Variants in ACACA observed in about 807,000 individuals in gnomAD.
ACACA encodes acetyl-CoA carboxylase 1.
In ACACA, 103 loss-of-function variants were observed where a neutral mutation model predicts 296.1. The observed-to-expected ratio is 0.35, with a 90% CI of 0.30 to 0.41. The LOEUF is 0.41. ACACA is among the 10% of genes least tolerant of loss of function. The probability of loss-of-function intolerance (pLI) is 1.00; values close to 1 mark genes in which losing one functional copy is unlikely to be tolerated. For missense variants in ACACA, 1,554 were observed against 2,989.7 expected (o/e 0.52, Z 11.20); for synonymous variants, 953 against 1,038.6 (o/e 0.92, Z 1.58).
chr17:37,353,848 T>C (rs983090784), intron 1 of ACACA, among the ~76,000 whole-genome samples: 6 of 151,668 alleles, frequency 4.0e-5, no homozygotes, highest in Admixed American at 6.6e-5. Context: ...TGGCTCATAC[T>C]TGTAATCCCA....
At chr17:37,148,450 T>C (rs2075905362) in intron 45 of ACACA, among the ~76,000 whole-genome samples, 1 of 152,212 alleles carries the variant, frequency 6.6e-6, no homozygotes, top group Non-Finnish European at 1.5e-5. Context: ...CAGAGCAAGC[T>C]GATCGCATCA....
chr17:37,388,372 T>A (rs2147786224), intron 1 of ACACA, among the ~76,000 whole-genome samples: 1 of 152,250 alleles, frequency 6.6e-6, no homozygotes, highest in South Asian at 2.1e-4. Flanking sequence ...ACCCGAGATT[T>A]TTCTTCCTGC....
intron 1 of ACACA, among the ~76,000 whole-genome samples, chr17:37,350,229 G>T (rs998107463): frequency 6.6e-6 from 1 of 151,880 alleles, no homozygotes; most frequent in African/African-American, 2.4e-5. Context: ...TACACAGAAG[G>T]CTGATATGGG....
chr17:37,148,245 C>A (rs936859036), intron 45 of ACACA, among the ~76,000 whole-genome samples: 72 of 148,568 alleles, frequency 4.8e-4, no homozygotes, highest in African/African-American at 1.4e-3. Flanking sequence ...AAAAAAAAAA[C>A]AACAACCTTA....
intron 20 of ACACA, 129 bp downstream of exon 20, chr17:37,244,951 G>T: frequency 7.1e-7 from 1 of 1,414,800 alleles, no homozygotes; most frequent in Non-Finnish European, 1.0e-6. Flanking sequence ...ACAAATACAA[G>T]GCATAAGATT....
intron 50 of ACACA, among the ~76,000 whole-genome samples, chr17:37,114,728 C>G (rs2074157267): frequency 6.6e-6 from 1 of 152,054 alleles, no homozygotes; most frequent in Non-Finnish European, 1.5e-5. Flanking sequence ...GTTTATGAGT[C>G]CAGATGTTTA....
At position 37,097,139 on chromosome 17, in the gene ACACA, T is replaced by C; in HGVS notation, c.6748A>G (p.Thr2250Ala). 1 of 1,613,912 alleles carries C rather than the reference T, an allele frequency of 6.2e-7. No individual in the cohort carries two copies. The highest frequency in any genetic ancestry group is 8.5e-7 in the Non-Finnish European group (1 of 1,180,010). ...SDILDWKTSR[T>A]FFYWRLRRLL... ...CGCCTCAGCCGCCAGTAGAAGAAGG[T>C]ACGGGATGTTTTCCAATCCAGGATA... The change falls in exon 54 of 56, where the codon ACC (threonine) becomes GCC (alanine). Residue 2250 changes from threonine (T) to alanine (A), a missense_variant. Physicochemically the swap from Thr to Ala is moderately conservative, Grantham distance 58. Around this residue, in one of 16 missense-constraint regions of ACACA, gnomAD observed 553 missense variants for 1,043.6 expected, o/e 0.53. Transcript: ENST00000616317. This position sits in a 1 kb window ranked among gnomAD's most constrained non-coding sequence, Gnocchi z 4.8.
chr17:37,316,334 C>CACACACACA (rs1458823039), intron 3 of ACACA, among the ~76,000 whole-genome samples: 16 of 145,696 alleles, frequency 1.1e-4, no homozygotes, highest in South Asian at 2.1e-4. Context: ...CACACACACA[C>CACACACACA]CCCTAACTTT....
intron 11 of ACACA, among the ~76,000 whole-genome samples, chr17:37,260,292 A>ATTTT (rs1598341369): frequency 6.1e-5 from 1 of 16,484 alleles, no homozygotes; most frequent in Non-Finnish European, 1.0e-4. Flanking sequence ...ATATATATAT[A>ATTTT]TATATTTTTT....
In ACACA at chr17:37,278,131, A is replaced by G. The variant is rs2082354958; in HGVS notation, c.611-126T>C. 5.3e-6 allele frequency: 4 copies of G among 750,530 alleles called. No individual in the cohort carries two copies. The East Asian group carries it at 1.1e-4, about 20-fold the overall frequency. 46.5% of individuals were successfully genotyped at this position (750,530 alleles called of 1,614,324 possible). On this transcript the variant is annotated intron_variant, in intron 5 of 55. Transcript: ENST00000616317. ...CCACAGGACAAACAGCATTAGTAGG[A>G]TAATTTCCAGGACCATTTAGTTCGA...
intron 35 of ACACA, among the ~76,000 whole-genome samples, chr17:37,198,951 C>A (rs1410244730): frequency 6.6e-6 from 1 of 152,174 alleles, no homozygotes; most frequent in Admixed American, 6.5e-5. Context: ...TAAAACCAAA[C>A]CAAACAGGCT....
At chr17:37,203,654 A>G (rs2078373112) in intron 33 of ACACA, among the ~76,000 whole-genome samples, 1 of 152,034 alleles carries the variant, frequency 6.6e-6, no homozygotes, top group South Asian at 2.1e-4. Context: ...GAGGCAGGAG[A>G]ATCACTTGAA....
At chr17:37,216,156 A>C (rs530169945) in intron 29 of ACACA, among the ~76,000 whole-genome samples, 28,691 of 142,348 alleles carry the variant, frequency 0.2, 2,990 homozygotes, top group Admixed American at 0.31. Context: ...ACACACACAC[A>C]CAACATACAC....
At chr17:37,394,623 C>T (rs12939217) in intron 1 of ACACA, among the ~76,000 whole-genome samples, 36,358 of 150,400 alleles carry the variant, frequency 0.24, 4,510 homozygotes, top group Middle Eastern at 0.37. Flanking sequence ...ACGCCTGTAA[C>T]CCCAGCACTT....
At chr17:37,322,784 G>C (rs1366355980) in intron 3 of ACACA, among the ~76,000 whole-genome samples, 1 of 152,164 alleles carries the variant, frequency 6.6e-6, no homozygotes, top group African/African-American at 2.4e-5. Flanking sequence ...AATTCAACTC[G>C]GGGCCGTCAG....
intron 1 of ACACA, among the ~76,000 whole-genome samples, chr17:37,390,744 G>A (rs1402063395): frequency 1.3e-5 from 2 of 150,572 alleles, no homozygotes; most frequent in Non-Finnish European, 3.0e-5. Flanking sequence ...AATGAGCTAT[G>A]ATCGAGCCAC....
intron 5 of ACACA, among the ~76,000 whole-genome samples, chr17:37,278,321 T>C (rs2082360611): frequency 6.6e-6 from 1 of 152,174 alleles, no homozygotes; most frequent in African/African-American, 2.4e-5. Context: ...GGGGCCCAAG[T>C]GCAATTACTC....
chr17:37,382,977 C>CA (rs1434619417), intron 1 of ACACA, among the ~76,000 whole-genome samples: 1 of 152,180 alleles, frequency 6.6e-6, no homozygotes, highest in African/African-American at 2.4e-5. Context: ...GCGGAGGTTG[C>CA]AGTGAGCCAA....
At position 37,283,461 on chromosome 17, in the gene ACACA, G is replaced by A. The variant is rs2082636593; in HGVS notation, c.472-56C>T. ...GAAAAGGCAGAAAAAAGCAACAATG[G>A]AGGAAAAGAGATGAGAGAATTTTTA... On this transcript the variant is annotated intron_variant, in intron 4 of 55. Transcript: ENST00000616317. 1.9e-6 allele frequency: 3 copies of A among 1,588,252 alleles called. No individual in the cohort carries two copies. The South Asian group carries it at 3.3e-5, about 18-fold the overall frequency.
Sources: gnomAD v4.1 joint callset for allele counts (sites outside exome capture counted in the v4.1 genomes callset) on GRCh38, gnomAD v4.1.1 for gene constraint, gnomAD v4.1.1 regional missense constraint, Gnocchi (gnomAD v3.1) non-coding constraint, MANE v1.5 for transcripts, NCBI Gene and HGNC (gene_info 2026-07-23, HGNC 2026-07-21) for gene names.